PHEX: variants seen among roughly 807,000 people sequenced by gnomAD.
The protein encoded by PHEX is phosphate regulating endopeptidase X-linked.
PHEX carries 16 observed loss-of-function variants against 68.0 expected under a neutral mutation model. That is an observed-to-expected ratio of 0.24 (90% CI 0.16 to 0.36). The LOEUF (loss-of-function observed/expected upper bound fraction) is 0.36. Among genes scored for constraint, PHEX ranks in the 10% least tolerant of loss-of-function variants. The probability of loss-of-function intolerance (pLI) is 1.00; values close to 1 mark genes in which losing one functional copy is unlikely to be tolerated. For missense variants in PHEX, 480 were observed against 575.5 expected (o/e 0.83, Z 1.70); for synonymous variants, 208 against 205.1 (o/e 1.01, Z -0.12).
chrX:22,046,910 A>C (rs757977390), intron 2 of PHEX, 140 bp from the exon 3 acceptor site: 2 of 541,424 alleles, frequency 3.7e-6, no homozygotes, highest in Non-Finnish European at 6.4e-6. Context: ...AGTGAGGTAG[A>C]TTCAGAGAGT....
intron 3 of PHEX, among the ~76,000 whole-genome samples, chrX:22,061,579 A>G (rs1168773414): frequency 2.7e-5 from 3 of 111,453 alleles, no homozygotes; most frequent in Non-Finnish European, 5.6e-5. Flanking sequence ...TTATTTAATA[A>G]TATCATTAGT....
intron 15 of PHEX, among the ~76,000 whole-genome samples, chrX:22,210,302 C>G (rs1212794302): frequency 1.8e-5 from 2 of 112,212 alleles, no homozygotes; most frequent in African/African-American, 6.5e-5. Flanking sequence ...GTGGCTTCAA[C>G]TCTTGAGTCT....
intron 20 of PHEX, among the ~76,000 whole-genome samples, chrX:22,234,229 C>A (rs765636292): frequency 2.0e-4 from 22 of 112,466 alleles, no homozygotes; most frequent in African/African-American, 7.1e-4. Flanking sequence ...GTTTGTCGGC[C>A]CCTACCGGGA....
chrX:22,098,862 A>T (rs1469092419), intron 8 of PHEX, 144 bp from the exon 9 acceptor site: 1 of 347,509 alleles, frequency 2.9e-6, no homozygotes, highest in Non-Finnish European at 5.4e-6. Context: ...TCAGGAGTTT[A>T]TTTTCTAGAC....
At chrX:22,127,690 C>G (rs1931792987) in intron 11 of PHEX, among the ~76,000 whole-genome samples, 1 of 107,667 alleles carries the variant, frequency 9.3e-6, no homozygotes. Flanking sequence ...TACAATAAAT[C>G]TGTAAAGTCT....
At chrX:22,230,429 G>GTTAATGTTTTTCCATTT (rs1935687663) in intron 20 of PHEX, among the ~76,000 whole-genome samples, 1 of 106,229 alleles carries the variant, frequency 9.4e-6, no homozygotes, top group Non-Finnish European at 1.9e-5. Context: ...TTTTTCCATT[G>GTTAATGTTTTTCCATTT]GTTTGTGTTC....
chrX:22,234,888 G>C (rs1240207474), intron 20 of PHEX, among the ~76,000 whole-genome samples: 2 of 110,811 alleles, frequency 1.8e-5, no homozygotes, highest in African/African-American at 6.6e-5. Context: ...AACTCTTGCA[G>C]CTAGTTGGGT....
intron 20 of PHEX, among the ~76,000 whole-genome samples, chrX:22,240,921 C>T (rs1436544561): frequency 8.9e-6 from 1 of 111,979 alleles, no homozygotes; most frequent in Non-Finnish European, 1.9e-5. Context: ...CCAAGTGGAC[C>T]TAACAGGCAT....
chrX:22,110,061 G>A (rs6633521), intron 9 of PHEX, among the ~76,000 whole-genome samples: 19,718 of 111,301 alleles, frequency 0.18, 1,342 homozygotes, highest in East Asian at 0.3. Context: ...AAAATTAGAT[G>A]ATTGGTATTA....
rs145224279 is a variant in PHEX, at chrX:22,047,111, C to T, written c.249C>T (p.Phe83=). Residue 83 remains phenylalanine (F), a synonymous_variant, in exon 3 of 22, where the codon TTC becomes TTT. Transcript: ENST00000379374. The part of the protein sequence containing the change: ...SVDPCDNFFR[F]ACDGWISNNP... ...ATCCTTGTGATAATTTCTTCCGGTT[C>T]GCTTGTGATGGCTGGATAAGCAATA... 160 of 1,203,856 alleles carry T rather than the reference C, an allele frequency of 1.3e-4. No homozygotes were observed. The East Asian group carries it at 2.1e-3, about 16-fold the overall frequency.
At chrX:22,174,672 A>C (rs1933643379) in intron 13 of PHEX, among the ~76,000 whole-genome samples, 1 of 111,894 alleles carries the variant, frequency 8.9e-6, no homozygotes, top group African/African-American at 3.2e-5. Context: ...ATATTGCTAC[A>C]TAATATATAC....
chrX:22,048,950 A>T (rs1020844089), intron 3 of PHEX, among the ~76,000 whole-genome samples: 2 of 111,947 alleles, frequency 1.8e-5, no homozygotes, highest in Non-Finnish European at 3.8e-5. Context: ...GTCCATATGC[A>T]TAACTTCATA....
chrX:22,073,476 G>A (rs977713352), intron 3 of PHEX, among the ~76,000 whole-genome samples: 4 of 110,998 alleles, frequency 3.6e-5, no homozygotes, highest in Non-Finnish European at 7.6e-5. Context: ...TGATTCCAAA[G>A]CACCCCCTTC....
At position 22,133,773 on chromosome X, in the gene PHEX, A is replaced by G. The variant is rs138657328; in HGVS notation, c.1404+149A>G. The G allele has an allele frequency of 7.1e-4, 337 of 475,527 alleles. 1 individual carries two copies. The highest frequency in any genetic ancestry group is 7.1e-3 in the African/African-American group (294 of 41,499). The allele number at this position is 475,527 out of a possible 1,213,427, so 39.2% of individuals were successfully genotyped here. A position where few individuals can be genotyped will look rare whatever the true frequency, so the allele number is the denominator to read the frequency against. Reference sequence around the variant, plus strand: ...TAGCTGTCTGCTTTTGGATGAATACATAGATTTTTGTTTCACCAGGAGGTA... The same window carrying G: ...TAGCTGTCTGCTTTTGGATGAATACGTAGATTTTTGTTTCACCAGGAGGTA... On this transcript the variant is annotated intron_variant, in intron 12 of 21. Coordinates refer to ENST00000379374, the MANE Select transcript of PHEX (RefSeq NM_000444.6).
At chrX:22,086,344 A>G (rs756890829) in intron 5 of PHEX, among the ~76,000 whole-genome samples, 43 of 111,611 alleles carry the variant, frequency 3.9e-4, no homozygotes, top group Non-Finnish European at 7.0e-4. Flanking sequence ...TCAGAAATAT[A>G]TCTCCCTTCA....
chrX:22,116,266 A>G (rs184163807), intron 11 of PHEX, among the ~76,000 whole-genome samples: 2 of 111,953 alleles, frequency 1.8e-5, no homozygotes, highest in East Asian at 2.8e-4. Context: ...AAAAATGTCT[A>G]TTCAGATCTT....
At chrX:22,198,133 T>A (rs5951722) in intron 15 of PHEX, among the ~76,000 whole-genome samples, 3,173 of 92,583 alleles carry the variant, frequency 0.034, 122 homozygotes, top group African/African-American at 0.16. Flanking sequence ...TATAATATAT[T>A]ATATAATATT....
chrX:22,242,229 C>G (rs1168076483), intron 20 of PHEX, among the ~76,000 whole-genome samples: 1 of 111,968 alleles, frequency 8.9e-6, no homozygotes, highest in African/African-American at 3.2e-5. Context: ...ATTCAACACC[C>G]CTTGATGCTA....
chrX:22,040,233 G>A (rs1425701822), intron 2 of PHEX, among the ~76,000 whole-genome samples: 1 of 112,350 alleles, frequency 8.9e-6, no homozygotes, highest in Non-Finnish European at 1.9e-5. Flanking sequence ...GGCCTTAAAA[G>A]GTTAATGAAC....
Sources: allele counts gnomAD v4.1 joint callset (sites outside exome capture counted in the v4.1 genomes callset), GRCh38; gene constraint gnomAD v4.1.1; transcripts MANE v1.5; gene names NCBI Gene and HGNC (gene_info 2026-07-23, HGNC 2026-07-21).